RYR2: variants seen among roughly 807,000 people sequenced by gnomAD.
RYR2 encodes cardiac muscle ryanodine receptor-calcium release channel.
A neutral mutation model predicts 601.1 loss-of-function variants in RYR2; 227 were observed. That is an observed-to-expected ratio of 0.38 (90% CI 0.34 to 0.42). The LOEUF (loss-of-function observed/expected upper bound fraction) is 0.42, where lower values mean the gene tolerates loss of function less well. Among genes scored for constraint, RYR2 ranks in the 10% least tolerant of loss-of-function variants. RYR2 has a pLI of 1.00. For missense variants in RYR2, 4,646 were observed against 6,156.5 expected (o/e 0.75, Z 8.21); for synonymous variants, 2,223 against 2,175.1 (o/e 1.02, Z -0.61).
chr1:237,351,070 A>G (rs1230018132), intron 3 of RYR2, among the ~76,000 whole-genome samples: 4 of 152,274 alleles, frequency 2.6e-5, no homozygotes, highest in African/African-American at 9.6e-5. Context: ...TTCTCATCAC[A>G]TAATTCAGTA....
chr1:237,670,716 T>C (rs1290177030), intron 58 of RYR2, among the ~76,000 whole-genome samples: 5 of 152,226 alleles, frequency 3.3e-5, no homozygotes. Flanking sequence ...TTATCCAAAA[T>C]GTTTGGAACC....
At chr1:237,611,478 A>C (rs1677861951) in intron 36 of RYR2, among the ~76,000 whole-genome samples, 1 of 152,218 alleles carries the variant, frequency 6.6e-6, no homozygotes, top group Non-Finnish European at 1.5e-5. Flanking sequence ...AAACAAGTTT[A>C]TATGCATTCT....
intron 63 of RYR2, among the ~76,000 whole-genome samples, chr1:237,696,554 T>TTC (rs1553287574): frequency 2.6e-5 from 4 of 151,528 alleles, no homozygotes; most frequent in South Asian, 2.1e-4. Context: ...TTTTTTTTTT[T>TTC]CAATCAATTG....
intron 1 of RYR2, among the ~76,000 whole-genome samples, chr1:237,173,190 A>G (rs1371165942): frequency 6.6e-6 from 1 of 151,166 alleles, no homozygotes; most frequent in East Asian, 1.9e-4. Flanking sequence ...TTTTTTTATC[A>G]GCTTATTGCA....
intron 1 of RYR2, among the ~76,000 whole-genome samples, chr1:237,048,955 G>C (rs1301903518): frequency 6.6e-6 from 1 of 152,224 alleles, no homozygotes; most frequent in Non-Finnish European, 1.5e-5. Context: ...CAAAGATAGT[G>C]GGGGTGGAAG....
chr1:237,284,573 TAC>T (rs1028071440), intron 2 of RYR2, among the ~76,000 whole-genome samples: 4 of 96,400 alleles, frequency 4.1e-5, no homozygotes, highest in African/African-American at 2.4e-4. Flanking sequence ...ACCATATATA[TAC>T]ACACACACCC....
At chr1:237,606,941 T>C (rs1677194419) in intron 35 of RYR2, among the ~76,000 whole-genome samples, 1 of 152,184 alleles carries the variant, frequency 6.6e-6, no homozygotes, top group South Asian at 2.1e-4. Context: ...CTGGAGAAGA[T>C]GTGGAGAAAT....
chr1:237,214,003 C>G (rs2149106861), intron 1 of RYR2, among the ~76,000 whole-genome samples: 1 of 149,216 alleles, frequency 6.7e-6, no homozygotes, highest in South Asian at 2.1e-4. Context: ...TCACAACAAC[C>G]TCTGCCTCCC....
chr1:237,468,352 A>T (rs1007054143), intron 16 of RYR2, among the ~76,000 whole-genome samples: 2 of 152,214 alleles, frequency 1.3e-5, no homozygotes, highest in African/African-American at 4.8e-5. Flanking sequence ...AAAGTTTAAA[A>T]GTGAGTGTAT....
intron 87 of RYR2, among the ~76,000 whole-genome samples, chr1:237,777,252 C>T (rs903336394): frequency 2.0e-5 from 3 of 152,046 alleles, no homozygotes; most frequent in Admixed American, 1.3e-4. Context: ...TTTTAGTCAC[C>T]CCTTTTGCAG....
At chr1:237,594,894 T>TTTTGTTTTTTG (rs1553516587) in intron 33 of RYR2, among the ~76,000 whole-genome samples, 1 of 18,360 alleles carries the variant, frequency 5.4e-5, no homozygotes, top group African/African-American at 8.6e-5. Context: ...GGGTTTTTTT[T>TTTTGTTTTTTG]TTTTTTTTTT....
chr1:237,359,114 C>A (rs1699552912), intron 4 of RYR2, among the ~76,000 whole-genome samples: 1 of 152,100 alleles, frequency 6.6e-6, no homozygotes, highest in Admixed American at 6.6e-5. Flanking sequence ...GCCAAAAATG[C>A]ATGTAATACA....
At chr1:237,789,084 G>A (rs1658025694) in intron 92 of RYR2, among the ~76,000 whole-genome samples, 1 of 151,722 alleles carries the variant, frequency 6.6e-6, no homozygotes, top group Non-Finnish European at 1.5e-5. Flanking sequence ...TTATAAGGGA[G>A]GAAAAGGATA....
intron 1 of RYR2, among the ~76,000 whole-genome samples, chr1:237,248,296 C>G (rs1317642188): frequency 2.7e-5 from 3 of 109,216 alleles, no homozygotes; most frequent in Non-Finnish European, 3.8e-5. Context: ...CCCCCCCCCC[C>G]CCCAAAAATG....
chr1:237,827,527 C>T (rs790893), intron 101 of RYR2, among the ~76,000 whole-genome samples: 32,804 of 148,766 alleles, frequency 0.22, 3,988 homozygotes, highest in East Asian at 0.56. Flanking sequence ...CTACTTGGGA[C>T]GCTGAGGCAG....
intron 2 of RYR2, among the ~76,000 whole-genome samples, chr1:237,297,990 G>A (rs1692968795): frequency 1.4e-5 from 2 of 147,484 alleles, no homozygotes; most frequent in South Asian, 4.3e-4. Context: ...GAACACCTGA[G>A]CTCAAGCAAT....
intron 9 of RYR2, 99 bp downstream of exon 9, chr1:237,387,479 T>C (rs922249414): frequency 4.1e-5 from 43 of 1,051,090 alleles, no homozygotes; most frequent in Admixed American, 9.9e-5. Flanking sequence ...TAGAGCTTTT[T>C]GTCTGTGTCT....
In RYR2 at chr1:237,761,007, A is replaced by T; in HGVS notation, c.11455A>T (p.Met3819Leu). 1 of 1,578,732 alleles carries T rather than the reference A, an allele frequency of 6.3e-7. No individual in the cohort carries two copies. Among genetic ancestry groups the T allele is most frequent in the South Asian group, 1.2e-5 (1 of 86,088 alleles). ...ACAAAACAAAGCTGAAGGTCTTGGG[A>T]TGGTGACAGAGGAAGGATCAGGTAT... ...ERQNKAEGLG[M>L]VTEEGSGEKV... The change falls in exon 84 of 105, where the codon ATG becomes TTG. Residue 3819 changes from methionine to leucine, a missense_variant. Physicochemically the swap from Met to Leu is conservative, Grantham distance 15. This residue lies in a region of RYR2 where 1,497 missense variants were observed against 1,842.6 expected (regional missense o/e 0.81). Transcript: ENST00000366574.
intron 6 of RYR2, among the ~76,000 whole-genome samples, chr1:237,373,641 G>A (rs1295079969): frequency 6.6e-6 from 1 of 152,120 alleles, no homozygotes; most frequent in Non-Finnish European, 1.5e-5. Flanking sequence ...GGGAGCAGTA[G>A]GCTTGAAAAA....
Sources: allele counts gnomAD v4.1 joint callset (sites outside exome capture counted in the v4.1 genomes callset), GRCh38; gene constraint gnomAD v4.1.1; regional missense constraint gnomAD v4.1.1; transcripts MANE v1.5; gene names NCBI Gene and HGNC (gene_info 2026-07-23, HGNC 2026-07-21).